The following ATP6V1B1 variants were observed in gnomAD, a reference collection of about 807,000 sequenced individuals.
The protein encoded by ATP6V1B1 is V-type proton ATPase subunit B, kidney isoform.
In ATP6V1B1, 41 loss-of-function variants were observed where a neutral mutation model predicts 62.1. The ratio of observed to expected loss-of-function variants is 0.66; its 90% CI spans 0.51 to 0.86. The LOEUF is 0.86. ATP6V1B1 is among the 40% of genes least tolerant of loss of function. The pLI, the probability that ATP6V1B1 is intolerant of heterozygous loss-of-function variation, is 0.00. For missense variants in ATP6V1B1, 651 were observed against 697.5 expected (o/e 0.93, Z 0.75); for synonymous variants, 253 against 273.4 (o/e 0.93, Z 0.74).
rs1553419576 is a variant in ATP6V1B1, at chr2:70,959,127, G to T, written c.445+32G>T. On this transcript the variant is annotated intron_variant, in intron 5 of 13. Transcript: ENST00000234396. This position sits in a 1 kb window ranked among gnomAD's most constrained non-coding sequence, Gnocchi z 4.2. ...GACTGGAGGTTCTGGATGGCTTCGG[G>T]ACCCAGCCCTAACACCTTCCCCACT... is the stretch of plus-strand genomic sequence containing the variant. 6.2e-7 allele frequency: 1 copy of T among 1,607,436 alleles called. No homozygotes were observed. Among genetic ancestry groups the T allele is most frequent in the South Asian group, 1.1e-5 (1 of 90,880 alleles).
chr2:70,956,899 T>C (rs1680450280), intron 2 of ATP6V1B1, among the ~76,000 whole-genome samples: 1 of 152,072 alleles, frequency 6.6e-6, no homozygotes, highest in Admixed American at 6.6e-5. Context: ...TTTTTTATTA[T>C]AGCCATCCTA....
chr2:70,950,258 A>T (rs560844868), intron 2 of ATP6V1B1, among the ~76,000 whole-genome samples: 7 of 152,280 alleles, frequency 4.6e-5, no homozygotes, highest in African/African-American at 1.7e-4. Flanking sequence ...TAATATCTGA[A>T]AAGGCAAGTC....
chr2:70,964,634 C>T, intron 12 of ATP6V1B1, 92 bp downstream of exon 12: 1 of 1,612,094 alleles, frequency 6.2e-7, no homozygotes, highest in South Asian at 1.1e-5. Flanking sequence ...TTTCTCCTGG[C>T]AAAATTCCTT....
chr2:70,941,941 G>C, intron 1 of ATP6V1B1: 6 of 997,484 alleles, frequency 6.0e-6, no homozygotes, highest in Non-Finnish European at 7.2e-6. Context: ...AGGCCAAGGA[G>C]AGGGTGGAAG....
chr2:70,944,090 T>C, intron 2 of ATP6V1B1: 1 of 1,285,958 alleles, frequency 7.8e-7, no homozygotes, highest in Non-Finnish European at 1.0e-6. Context: ...AGGGCTAGAC[T>C]CTCCCCACCC....
chr2:70,964,414 C>T (rs782615851), intron 11 of ATP6V1B1, 24 bp from the exon 12 acceptor site: 10 of 1,610,892 alleles, frequency 6.2e-6, no homozygotes, highest in Non-Finnish European at 8.5e-6. Flanking sequence ...TGCTGTCCAC[C>T]ACTCCCTTTT....
intron 2 of ATP6V1B1, chr2:70,957,633 C>A: frequency 3.1e-6 from 1 of 322,822 alleles, no homozygotes; most frequent in Non-Finnish European, 6.1e-6. Context: ...TTACAAAGTG[C>A]CAGGCACCAT....
rs1167334149 is a variant in ATP6V1B1 at position 70,958,431 on chromosome 2, G to A, written c.367+5G>A. ...CGGTGTCAGAGGACATGCTGGGTGA[G>A]GGACAGGGAGGGGCAGGGGTGGGGG... On this transcript the variant is annotated splice_donor_5th_base_variant and intron_variant, in intron 4 of 13. Transcript: ENST00000234396. 3 of 1,612,238 alleles carry A rather than the reference G, an allele frequency of 1.9e-6. No individual in the cohort carries two copies. The highest frequency in any genetic ancestry group is 1.7e-5 in the Admixed American group (1 of 59,986).
rs1553416821 is a variant in ATP6V1B1 at position 70,943,724 on chromosome 2, T to C, written c.174+11T>C. On this transcript the variant is annotated intron_variant, in intron 2 of 13. Transcript: ENST00000234396. ...CTGGACCGGGTCAAGGTAAGACTCT[T>C]CTGCTGCCTCCCTGGCACTAAGGCC... The C allele has an allele frequency of 1.2e-6, 2 of 1,613,234 alleles. No individual in the cohort carries two copies. Among genetic ancestry groups the C allele is most frequent in the African/African-American group, 2.7e-5 (2 of 74,864 alleles).
Position 70,942,068 on chromosome 2 carries a change from AAG to A in ATP6V1B1, c.119-1585_119-1584del, listed in dbSNP as rs1553416493. ...AAACATCAGAGCTTCATGGGAAGAC[AAG>A]AGAGGGAGAGAGAGACAGAGAGAGA... On this transcript the variant is annotated intron_variant, in intron 1 of 13. Coordinates refer to ENST00000234396, the MANE Select transcript of ATP6V1B1 (RefSeq NM_001692.4). 2.6e-6 allele frequency: 3 copies of A among 1,140,480 alleles called. No homozygotes were observed. The African/African-American group carries it at 4.8e-5, about 18-fold the overall frequency. 70.6% of individuals were successfully genotyped at this position (1,140,480 alleles called of 1,614,324 possible). A position where few individuals can be genotyped will look rare whatever the true frequency, so the allele number is the denominator to read the frequency against.
Position 70,964,843 on chromosome 2 carries a change from T to G in ATP6V1B1, c.1356T>G (p.Phe452Leu). The change falls in exon 13 of 14, where the codon TTT becomes TTG. Residue 452 changes from phenylalanine to leucine, a missense_variant. Coordinates refer to ENST00000234396, the MANE Select transcript of ATP6V1B1 (RefSeq NM_001692.4). ...TCTACCTGGAATTCCTGCAGAAGTT[T>G]GAGAAGAACTTCATCAATCAGGGTA... is the stretch of plus-strand genomic sequence containing the variant. ...DLLYLEFLQK[F>L]EKNFINQGPY... is the part of the protein sequence containing the mutation. 6.2e-7 allele frequency: 1 copy of G among 1,614,024 alleles called. No individual in the cohort carries two copies. The highest frequency in any genetic ancestry group is 8.5e-7 in the Non-Finnish European group (1 of 1,180,022).
At chr2:70,952,496 T>C (rs1163195443) in intron 2 of ATP6V1B1, among the ~76,000 whole-genome samples, 1 of 151,806 alleles carries the variant, frequency 6.6e-6, no homozygotes, top group Non-Finnish European at 1.5e-5. Context: ...AAACAGATGC[T>C]GAATTTTATC....
At chr2:70,961,563 C>T (rs1553420103) in intron 7 of ATP6V1B1, 33 bp from the exon 8 acceptor site, 1 of 1,609,140 alleles carries the variant, frequency 6.2e-7, no homozygotes, top group South Asian at 1.1e-5. Context: ...GGCCACAGGG[C>T]CCTACCTCCA....
In ATP6V1B1 at chr2:70,944,326, G is replaced by A. The variant is rs375241853; in HGVS notation, c.174+613G>A. 4.2e-5 allele frequency: 40 copies of A among 954,116 alleles called. 1 individual carries two copies. In the East Asian group the frequency reaches 2.1e-3, roughly 49 times the overall value. 59.1% of individuals were successfully genotyped at this position (954,116 alleles called of 1,614,324 possible). ...CACTGACAGTATCTTGAGTCCTGGG[G>A]TTGGGAATTCTTGAGCCATAAAGAG... On this transcript the variant is annotated intron_variant, in intron 2 of 13. Coordinates refer to ENST00000234396, the MANE Select transcript of ATP6V1B1 (RefSeq NM_001692.4).
At chr2:70,954,760 G>C (rs1469612099) in intron 2 of ATP6V1B1, among the ~76,000 whole-genome samples, 1 of 152,190 alleles carries the variant, frequency 6.6e-6, no homozygotes, top group Admixed American at 6.5e-5. Flanking sequence ...TGGGATTACA[G>C]GCGTGAGCCA....
intron 2 of ATP6V1B1, among the ~76,000 whole-genome samples, chr2:70,944,923 T>C (rs566516656): frequency 2.6e-5 from 4 of 152,272 alleles, no homozygotes; most frequent in African/African-American, 4.8e-5. Context: ...CGCCTCGGCC[T>C]CCCAAAGTGC....
At chr2:70,954,690 C>CT (rs1680394930) in intron 2 of ATP6V1B1, among the ~76,000 whole-genome samples, 1 of 151,968 alleles carries the variant, frequency 6.6e-6, no homozygotes, top group African/African-American at 2.4e-5. Flanking sequence ...GCTGTGTTGC[C>CT]CAGGCTGATC....
rs782639399 is a variant in ATP6V1B1, at chr2:70,964,448, C to A, written c.1154C>A (p.Pro385His). 6.2e-7 allele frequency: 1 copy of A among 1,613,992 alleles called. No homozygotes were observed. The highest frequency in any genetic ancestry group is 8.5e-7 in the Non-Finnish European group (1 of 1,180,028). Residue 385 changes from proline to histidine, a missense_variant, in exon 12 of 14, where the codon CCC becomes CAC. Pro to His is a moderately conservative substitution (Grantham distance 77, BLOSUM62 -2). Coordinates refer to ENST00000234396, the MANE Select transcript of ATP6V1B1 (RefSeq NM_001692.4). ...RQLHNRQIYPPINVLPSLSRL... is the reference protein window; with the variant it reads ...RQLHNRQIYPHINVLPSLSRL... ...TTTCTTCTCCCTCAGATCTACCCCC[C>A]CATCAACGTGCTCCCTTCCCTGTCG...
chr2:70,942,969 C>T (rs1355155548), intron 1 of ATP6V1B1, among the ~76,000 whole-genome samples: 2 of 152,202 alleles, frequency 1.3e-5, no homozygotes, highest in Admixed American at 1.3e-4. Context: ...TATTTTTTGG[C>T]ATCTAACCCA....
Sources: gnomAD v4.1 joint callset for allele counts (sites outside exome capture counted in the v4.1 genomes callset) on GRCh38, gnomAD v4.1.1 for gene constraint, Gnocchi (gnomAD v3.1) non-coding constraint, MANE v1.5 for transcripts, NCBI Gene and HGNC (gene_info 2026-07-23, HGNC 2026-07-21) for gene names.